PSMA8: variants seen among roughly 807,000 people sequenced by gnomAD.
PSMA8 encodes proteasome 20S subunit alpha 8.
PSMA8 carries 18 observed loss-of-function variants against 32.4 expected under a neutral mutation model. The ratio of observed to expected loss-of-function variants is 0.56; its 90% CI spans 0.38 to 0.82. The LOEUF is 0.82. Ranked by LOEUF, PSMA8 falls within the 40% of genes least tolerant of loss-of-function variation. PSMA8 has a pLI of 0.00. For missense variants in PSMA8, 298 were observed against 300.7 expected (o/e 0.99, Z 0.07); for synonymous variants, 104 against 98.1 (o/e 1.06, Z -0.36).
rs1287320414 is a variant in PSMA8, at chr18:26,180,075, A to G, written c.660+945A>G. ...AGACTAGCCTGGCCAACATAGTGAA[A>G]CCCCGTCTCTACTAAAAATACAAAA... On this transcript the variant is annotated intron_variant, in intron 6 of 6. Coordinates refer to ENST00000415576, the MANE Select transcript of PSMA8 (RefSeq NM_001025096.2). Among the ~76,000 whole-genome samples the G allele has an allele frequency of 5.3e-5, 8 of 152,166 alleles. No homozygotes were observed. In the East Asian group the frequency reaches 1.2e-3, roughly 22 times the overall value.
Position 26,170,832 on chromosome 18 carries a change from A to G in PSMA8, c.478-7998A>G. The G allele has an allele frequency of 3.8e-6, 6 of 1,558,948 alleles. 1 individual carries two copies. The Admixed American group carries it at 5.5e-5, about 14-fold the overall frequency. ...CAGAAGTTTATATTTCTCCAAATCAATTTCTGGAAAAAACGTGTCACTTTC... is the reference window on the plus strand; with the variant it reads ...CAGAAGTTTATATTTCTCCAAATCAGTTTCTGGAAAAAACGTGTCACTTTC... On this transcript the variant is annotated intron_variant, in intron 4 of 6. Coordinates refer to ENST00000415576, the MANE Select transcript of PSMA8 (RefSeq NM_001025096.2).
chr18:26,190,410 AT>A (rs2055392492), intron 6 of PSMA8, among the ~76,000 whole-genome samples: 1 of 152,184 alleles, frequency 6.6e-6, no homozygotes, highest in African/African-American at 2.4e-5. Context: ...CCCATAATAT[AT>A]ATACCTACTA....
chr18:26,177,104 C>T (rs934790327), intron 4 of PSMA8, among the ~76,000 whole-genome samples: 2 of 152,156 alleles, frequency 1.3e-5, no homozygotes, highest in African/African-American at 4.8e-5. Context: ...CTTGTTGATT[C>T]AGACCACGGT....
intron 4 of PSMA8, among the ~76,000 whole-genome samples, chr18:26,166,300 T>C (rs902840642): frequency 1.3e-5 from 2 of 151,550 alleles, no homozygotes; most frequent in Non-Finnish European, 2.9e-5. Context: ...GTAAAAACTA[T>C]TTTCCTAATA....
At chr18:26,169,871 A>G (rs1217520333) in intron 4 of PSMA8, among the ~76,000 whole-genome samples, 1 of 101,388 alleles carries the variant, frequency 9.9e-6, no homozygotes, top group Non-Finnish European at 1.7e-5. Context: ...TACATACTTA[A>G]ACATCGAATT....
chr18:26,157,637 G>C (rs1024343109), intron 3 of PSMA8, among the ~76,000 whole-genome samples: 1 of 151,990 alleles, frequency 6.6e-6, no homozygotes, highest in Non-Finnish European at 1.5e-5. Context: ...GTTTTACTTG[G>C]GTTTTTAATT....
intron 1 of PSMA8, among the ~76,000 whole-genome samples, chr18:26,139,668 A>C (rs563509444): frequency 7.9e-5 from 12 of 152,212 alleles, no homozygotes; most frequent in Admixed American, 6.5e-4. Flanking sequence ...TAGACTATAG[A>C]CTAAGCCGAG....
intron 3 of PSMA8, among the ~76,000 whole-genome samples, chr18:26,153,406 G>A (rs1028310240): frequency 6.6e-6 from 1 of 152,094 alleles, no homozygotes; most frequent in African/African-American, 2.4e-5. Flanking sequence ...CTTTTTATAT[G>A]TAGCTAAATT....
intron 6 of PSMA8, among the ~76,000 whole-genome samples, chr18:26,187,852 C>T (rs1028642754): frequency 3.3e-5 from 5 of 152,170 alleles, no homozygotes; most frequent in African/African-American, 1.2e-4. Context: ...TCTTCAACAC[C>T]CCATTTTCAG....
intron 4 of PSMA8, among the ~76,000 whole-genome samples, chr18:26,175,032 A>T (rs2055252932): frequency 6.6e-6 from 1 of 152,170 alleles, no homozygotes; most frequent in Non-Finnish European, 1.5e-5. Flanking sequence ...GTTTAATATA[A>T]TCCTCCAATT....
chr18:26,152,937 A>G (rs2055058290), intron 3 of PSMA8, among the ~76,000 whole-genome samples: 2 of 152,188 alleles, frequency 1.3e-5, no homozygotes, highest in Admixed American at 6.6e-5. Flanking sequence ...GGACTACTCA[A>G]TTTCCAGAAC....
chr18:26,179,207 T>A (rs1252528526), intron 6 of PSMA8, 77 bp downstream of exon 6: 52 of 1,055,522 alleles, frequency 4.9e-5, no homozygotes, highest in Non-Finnish European at 7.2e-5. Flanking sequence ...TGTTGGCCTC[T>A]AGGCTTCCGA....
At chr18:26,135,543 AT>A (rs997276704) in intron 1 of PSMA8, among the ~76,000 whole-genome samples, 1 of 152,102 alleles carries the variant, frequency 6.6e-6, no homozygotes, top group Non-Finnish European at 1.5e-5. Flanking sequence ...TTTGCAAGTA[AT>A]TTTTTTAGAA....
intron 2 of PSMA8, among the ~76,000 whole-genome samples, chr18:26,150,267 A>AT (rs2055034931): frequency 1.3e-5 from 2 of 151,842 alleles, no homozygotes; most frequent in African/African-American, 4.8e-5. Context: ...CTGAATACTC[A>AT]TTTTTTTCTG....
intron 6 of PSMA8, among the ~76,000 whole-genome samples, chr18:26,182,119 A>T (rs1433315566): frequency 6.6e-6 from 1 of 152,216 alleles, no homozygotes; most frequent in Admixed American, 6.5e-5. Context: ...AGGTTGGTTC[A>T]TGAGGTTTAA....
rs368685303 is a variant in PSMA8 at position 26,192,489 on chromosome 18, GA to G, written c.*82del. 5.9e-5 allele frequency: 84 copies of G among 1,434,926 alleles called. No homozygotes were observed. The African/African-American group carries it at 1.0e-3, about 18-fold the overall frequency. 88.9% of individuals were successfully genotyped at this position (1,434,926 alleles called of 1,614,324 possible). ...GAGGTTGTTTAGTGAAATTTTAGAG[GA>G]AAACAGTTATTTTGCAGCATTACAT... On this transcript the variant is annotated 3_prime_UTR_variant, in exon 7 of 7. Transcript: ENST00000415576.
At chr18:26,153,114 A>G (rs115364661) in intron 3 of PSMA8, among the ~76,000 whole-genome samples, 129 of 152,336 alleles carry the variant, frequency 8.5e-4, no homozygotes, top group African/African-American at 3.0e-3. Context: ...CATGATGTCT[A>G]CAACTATTTT....
At chr18:26,165,399 G>A (rs146476992) in intron 4 of PSMA8, among the ~76,000 whole-genome samples, 15 of 152,246 alleles carry the variant, frequency 9.9e-5, no homozygotes, top group South Asian at 4.1e-4. Context: ...CAAAGAGTGC[G>A]GTGTTAGTTG....
intron 3 of PSMA8, 21 bp from the exon 4 acceptor site, chr18:26,158,101 A>T (rs1291238121): frequency 1.3e-6 from 2 of 1,529,884 alleles, no homozygotes; most frequent in African/African-American, 1.4e-5. Context: ...TTTATTCTAA[A>T]AATACGTTTT....
Sources: gnomAD v4.1 joint callset for allele counts (sites outside exome capture counted in the v4.1 genomes callset) on GRCh38, gnomAD v4.1.1 for gene constraint, MANE v1.5 for transcripts, NCBI Gene and HGNC (gene_info 2026-07-23, HGNC 2026-07-21) for gene names.